Variants in BPI observed in about 807,000 individuals in gnomAD.
BPI encodes the protein bactericidal permeability-increasing protein.
A neutral mutation model predicts 57.6 loss-of-function variants in BPI; 48 were observed. That is an observed-to-expected ratio of 0.83 (90% CI 0.66 to 1.06). The LOEUF (loss-of-function observed/expected upper bound fraction) is 1.06. Among genes scored for constraint, BPI ranks in the 50% least tolerant of loss-of-function variants. The pLI, the probability that BPI is intolerant of heterozygous loss-of-function variation, is 0.00. For missense variants in BPI, 651 were observed against 609.7 expected (o/e 1.07, Z -0.71); for synonymous variants, 237 against 238.2 (o/e 0.99, Z 0.05).
At position 38,336,854 on chromosome 20, in the gene BPI, T is replaced by C. The variant is rs1177279058; in HGVS notation, c.1414-292T>C. Among the ~76,000 whole-genome samples, 5 of 152,276 alleles carry C rather than the reference T, an allele frequency of 3.3e-5. No individual in the cohort carries two copies. In the East Asian group the frequency reaches 9.7e-4, roughly 29 times the overall value. ...AGCCTTGATTGGAACAAGCACTCCC[T>C]TGAGCTGCCATGAGGCAGGGACGAC... On this transcript the variant is annotated intron_variant, in intron 14 of 14. Transcript: ENST00000642449.
Position 38,318,487 on chromosome 20 carries a change from G to C in BPI, c.664+11G>C. The C allele has an allele frequency of 6.2e-7, 1 of 1,610,682 alleles. No individual in the cohort carries two copies. Among genetic ancestry groups the C allele is most frequent in the African/African-American group, 1.3e-5 (1 of 74,936 alleles). ...TCCAGACTCTGCCAGGTGAGGGCTG[G>C]ATGAAGATCAAGGATAGAAAGGAAC... is the stretch of plus-strand genomic sequence containing the variant. On this transcript the variant is annotated intron_variant, in intron 6 of 14. Transcript: ENST00000642449.
chr20:38,337,419 T>C lies in BPI; in HGVS notation c.*235T>C, dbSNP rs573884431. The stretch of plus-strand genomic sequence containing the variant: ...TTCAAGGGCTAAGGCTGCAGAGATA[T>C]TTCCTCCAGGAATCGTGTTTCAATT... On this transcript the variant is annotated 3_prime_UTR_variant, in exon 15 of 15. Coordinates refer to ENST00000642449, the MANE Select transcript of BPI (RefSeq NM_001725.3). The C allele has an allele frequency of 2.5e-6, 1 of 394,538 alleles. No individual in the cohort carries two copies. The highest frequency in any genetic ancestry group is 3.8e-5 in the East Asian group (1 of 26,216). The allele number at this position is 394,538 out of a possible 1,614,324, so 24.4% of individuals were successfully genotyped here.
At position 38,324,818 on chromosome 20, in the gene BPI, A is replaced by G. The variant is rs773408741; in HGVS notation, c.978A>G (p.Gly326=). 5.0e-6 allele frequency: 8 copies of G among 1,612,942 alleles called. No homozygotes were observed. The highest frequency in any genetic ancestry group is 5.1e-6 in the Non-Finnish European group (6 of 1,178,950). The part of the protein sequence containing the change: ...SKFRLTTKFF[G]TFLPEVAKKF... ...TTCGACTGACAACCAAGTTCTTTGGAACCTTCCTACCTGAGGTATGGAAGA... is the reference window on the plus strand; with the variant it reads ...TTCGACTGACAACCAAGTTCTTTGGGACCTTCCTACCTGAGGTATGGAAGA... Residue 326 remains glycine (G), a synonymous_variant, in exon 9 of 15, where the codon GGA becomes GGG. Coordinates refer to ENST00000642449, the MANE Select transcript of BPI (RefSeq NM_001725.3).
chr20:38,306,459 C>G (rs369894942), intron 1 of BPI, among the ~76,000 whole-genome samples: 1 of 152,196 alleles, frequency 6.6e-6, no homozygotes, highest in Non-Finnish European at 1.5e-5. Context: ...GAGAGACATT[C>G]GTCAGAGTCA....
chr20:38,318,645 C>T (rs187689544), intron 6 of BPI, among the ~76,000 whole-genome samples, 169 bp downstream of exon 6: 4 of 152,194 alleles, frequency 2.6e-5, no homozygotes, highest in East Asian at 3.9e-4. Context: ...TGGGTCAAGT[C>T]CTTGTGCTAG....
chr20:38,328,838 A>AG (rs1050032459), intron 11 of BPI, among the ~76,000 whole-genome samples: 1 of 151,232 alleles, frequency 6.6e-6, no homozygotes, highest in African/African-American at 2.4e-5. Context: ...CTCTACCAAA[A>AG]AAAAAAAAAT....
At chr20:38,326,191 A>T in intron 9 of BPI, 74 bp from the exon 10 acceptor site, 1 of 1,448,124 alleles carries the variant, frequency 6.9e-7, no homozygotes. Flanking sequence ...AAGTAGGGGC[A>T]GGCCAAGGTA....
rs531692275 is a variant in BPI, at chr20:38,313,992, G to T, written c.600+2055G>T. ...TGATAGTGAGGTTGATGGTGATTAT[G>T]TGGTTGATGATGGTGATAGTAATGG... On this transcript the variant is annotated intron_variant, in intron 5 of 14. Transcript: ENST00000642449. Among the ~76,000 whole-genome samples the T allele has an allele frequency of 2.6e-5, 4 of 151,186 alleles. No individual in the cohort carries two copies. In the South Asian group the frequency reaches 8.4e-4, roughly 32 times the overall value.
chr20:38,324,796 G>A lies in BPI; in HGVS notation c.956G>A (p.Arg319Gln), dbSNP rs949417474. 12 of 1,613,138 alleles carry A rather than the reference G, an allele frequency of 7.4e-6. No homozygotes were observed. The highest frequency in any genetic ancestry group is 2.2e-5 in the South Asian group (2 of 91,026). ...DDMIPKESKF[R>Q]LTTKFFGTFL... ...CAGATTCCAAAGGAGTCCAAATTTC[G>A]ACTGACAACCAAGTTCTTTGGAACC... The change falls in exon 9 of 15, where the codon CGA becomes CAA. Residue 319 changes from arginine (R) to glutamine (Q), a missense_variant. Coordinates refer to ENST00000642449, the MANE Select transcript of BPI (RefSeq NM_001725.3).
chr20:38,336,566 C>G (rs1455989929), intron 14 of BPI, among the ~76,000 whole-genome samples: 1 of 151,998 alleles, frequency 6.6e-6, no homozygotes, highest in South Asian at 2.1e-4. Flanking sequence ...TCCTGGGGAG[C>G]CTCGCATCAC....
chr20:38,331,095 G>T lies in BPI; in HGVS notation c.1272+5G>T. The T allele has an allele frequency of 6.2e-7, 1 of 1,614,082 alleles. No homozygotes were observed. Among genetic ancestry groups the T allele is most frequent in the South Asian group, 1.1e-5 (1 of 91,074 alleles). The stretch of plus-strand genomic sequence containing the variant: ...TCAAATATTGGCCCCTTCCCGGTGA[G>T]TCTGAGGCCCTTGGTGGCTTCTTCC... On this transcript the variant is annotated splice_donor_5th_base_variant and intron_variant, in intron 12 of 14. Transcript: ENST00000642449.
At position 38,310,676 on chromosome 20, in the gene BPI, T is replaced by C. The variant is rs777022242; in HGVS notation, c.536+24T>C. ...GGGTATGGACTCCCGGGACTGTGGC[T>C]GGGAGGAGGGACTTAAAGAAGAACT... is the stretch of plus-strand genomic sequence containing the variant. On this transcript the variant is annotated intron_variant, in intron 4 of 14. Coordinates refer to ENST00000642449, the MANE Select transcript of BPI (RefSeq NM_001725.3). 1.9e-5 allele frequency: 30 copies of C among 1,597,170 alleles called. No individual in the cohort carries two copies. In the South Asian group the frequency reaches 3.0e-4, roughly 16 times the overall value.
chr20:38,336,174 T>C (rs1365185830), intron 14 of BPI, among the ~76,000 whole-genome samples: 1 of 152,026 alleles, frequency 6.6e-6, no homozygotes, highest in Non-Finnish European at 1.5e-5. Context: ...CTTCTCTTAG[T>C]TTCCAGCACT....
intron 7 of BPI, chr20:38,321,951 T>C (rs570995990): frequency 3.3e-5 from 5 of 151,256 alleles, no homozygotes. Flanking sequence ...CAGGAAAAAA[T>C]GCACACATAT....
rs917432906 is a variant in BPI, at chr20:38,331,221, A to C, written c.1272+131A>C. 1.8e-5 allele frequency: 20 copies of C among 1,137,048 alleles called. No homozygotes were observed. The African/African-American group carries it at 3.0e-4, about 17-fold the overall frequency. The allele number at this position is 1,137,048 out of a possible 1,614,324, so 70.4% of individuals were successfully genotyped here. On this transcript the variant is annotated intron_variant, in intron 12 of 14. Transcript: ENST00000642449. ...GCATTTAATTTGGTTGTGAATTAATAGTTCAAGGAGCTTCGTGGGCAGAGG... is the reference window on the plus strand; with the variant it reads ...GCATTTAATTTGGTTGTGAATTAATCGTTCAAGGAGCTTCGTGGGCAGAGG...
At chr20:38,327,711 G>T in intron 11 of BPI, 56 bp downstream of exon 11, 1 of 1,573,572 alleles carries the variant, frequency 6.4e-7, no homozygotes, top group East Asian at 2.3e-5. Context: ...GGTGTCTGTG[G>T]GATGACAGTG....
At chr20:38,324,752 C>A (rs2076703596) in intron 8 of BPI, 22 bp from the exon 9 acceptor site, 1 of 1,599,682 alleles carries the variant, frequency 6.3e-7, no homozygotes, top group Non-Finnish European at 8.6e-7. Flanking sequence ...CTCCGAGATC[C>A]TTTTCTCATC....
At chr20:38,314,434 T>C (rs111067088) in intron 5 of BPI, among the ~76,000 whole-genome samples, 2,956 of 147,290 alleles carry the variant, frequency 0.02, 97 homozygotes, top group African/African-American at 0.071. Context: ...ATGGTGATGG[T>C]GGGGATGATT....
rs2076722142 is a variant in BPI at position 38,327,975 on chromosome 20, A to G, written c.1229+320A>G. Among the ~76,000 whole-genome samples, 3 of 152,164 alleles carry G rather than the reference A, an allele frequency of 2.0e-5. No individual in the cohort carries two copies. The South Asian group carries it at 6.2e-4, about 32-fold the overall frequency. ...CCAGTCCTCATGGCTGGGAGGCGTC[A>G]GCTGATGATCCCCACTGAACCACAA... On this transcript the variant is annotated intron_variant, in intron 11 of 14. Coordinates refer to ENST00000642449, the MANE Select transcript of BPI (RefSeq NM_001725.3).
Sources: allele counts gnomAD v4.1 joint callset (sites outside exome capture counted in the v4.1 genomes callset), GRCh38; gene constraint gnomAD v4.1.1; transcripts MANE v1.5; gene names NCBI Gene and HGNC (gene_info 2026-07-23, HGNC 2026-07-21).